The following TPGS2 variants were observed in gnomAD, a reference collection of about 807,000 sequenced individuals.
TPGS2 encodes the protein tubulin polyglutamylase complex subunit 2.
TPGS2 carries 26 observed loss-of-function variants against 31.1 expected under a neutral mutation model. The observed-to-expected ratio is 0.84, with a 90% confidence interval of 0.61 to 1.16. TPGS2 has a LOEUF of 1.16. Among genes scored for constraint, TPGS2 ranks in the 50% most tolerant of loss-of-function variants. TPGS2 has a pLI of 0.00. For synonymous variants in TPGS2, 130 were observed against 136.6 expected, an observed-to-expected ratio of 0.95 and a Z score of 0.34; for missense variants, 351 against 363.8, an observed-to-expected ratio of 0.96 and a Z score of 0.29.
chr18:36,807,613 C>T, intron 3 of TPGS2: 2 of 549,548 alleles, frequency 3.6e-6, no homozygotes, highest in Admixed American at 3.4e-5. Flanking sequence ...TACAGGAATC[C>T]TCTAAATTGA....
rs560494846 is a variant in TPGS2 at position 36,797,129 on chromosome 18, G to A, written c.658-79C>T. The A allele has an allele frequency of 1.8e-5, 29 of 1,570,594 alleles. No homozygotes were observed. In the South Asian group the frequency reaches 3.3e-4, roughly 18 times the overall value. ...TGTGTGCTCTTTTTGTGGGATGCAG[G>A]AGAGTTGGGAACAGGAGGCAGAGGT... On this transcript the variant is annotated intron_variant, in intron 6 of 6. Transcript: ENST00000334295.
At chr18:36,812,003 A>T (rs1229178649) in intron 2 of TPGS2, among the ~76,000 whole-genome samples, 4 of 152,176 alleles carry the variant, frequency 2.6e-5, no homozygotes, top group African/African-American at 4.8e-5. Context: ...TAAAATGTAA[A>T]CACAAGTCCA....
Position 36,794,314 on chromosome 18 carries a change from C to G in TPGS2, c.*2491G>C, listed in dbSNP as rs560084411. 21 of 985,454 alleles carry G rather than the reference C, an allele frequency of 2.1e-5. No homozygotes were observed. The Admixed American group carries it at 2.5e-4, about 12-fold the overall frequency. 61.0% of individuals were successfully genotyped at this position (985,454 alleles called of 1,614,324 possible). ...TGCACTGAGTGGAGTCAGTCCTGCT[C>G]TTCCCTGCTCACTCCTTCTGAGGCA... On this transcript the variant is annotated 3_prime_UTR_variant, in exon 7 of 7. Transcript: ENST00000334295.
At chr18:36,799,776 A>G (rs948291164) in intron 5 of TPGS2, among the ~76,000 whole-genome samples, 1 of 152,110 alleles carries the variant, frequency 6.6e-6, no homozygotes, top group African/African-American at 2.4e-5. Context: ...TTGAGGGCAG[A>G]GAGGCTTTTA....
At chr18:36,819,485 C>A (rs1023217939) in intron 1 of TPGS2, among the ~76,000 whole-genome samples, 3 of 152,168 alleles carry the variant, frequency 2.0e-5, no homozygotes, top group Admixed American at 6.5e-5. Flanking sequence ...CAAAAATATA[C>A]TAAGAAAAAA....
At position 36,828,852 on chromosome 18, in the gene TPGS2, C is replaced by A; in HGVS notation, c.-85G>T. On this transcript the variant is annotated 5_prime_UTR_variant, in exon 1 of 7. Coordinates refer to ENST00000334295, the MANE Select transcript of TPGS2 (RefSeq NM_015476.4). ...CGCCGAGGCCAATTTCATGGCATGC[C>A]GGGAACGGTAGTTCTCGGCGCCTGA... 1 of 1,519,364 alleles carries A rather than the reference C, an allele frequency of 6.6e-7. No homozygotes were observed. The highest frequency in any genetic ancestry group is 9.0e-7 in the Non-Finnish European group (1 of 1,112,198). The allele number at this position is 1,519,364 out of a possible 1,614,324, so 94.1% of individuals were successfully genotyped here. A position where few individuals can be genotyped will look rare whatever the true frequency, so the allele number is the denominator to read the frequency against.
downstream of TPGS2, chr18:36,782,021 T>A: frequency 1.2e-6 from 1 of 838,794 alleles, no homozygotes; most frequent in Non-Finnish European, 1.4e-6. Flanking sequence ...TTTGTGAGAG[T>A]GTTCGCCTAT....
At chr18:36,801,375 G>A (rs184422105) in intron 4 of TPGS2, among the ~76,000 whole-genome samples, 297 of 152,128 alleles carry the variant, frequency 2.0e-3, no homozygotes, top group Non-Finnish European at 3.2e-3. Context: ...TCTATCACCT[G>A]GGCTGGAGTG....
intron 1 of TPGS2, among the ~76,000 whole-genome samples, chr18:36,825,276 C>A (rs1190878990): frequency 5.9e-5 from 9 of 151,646 alleles, no homozygotes; most frequent in African/African-American, 2.2e-4. Context: ...ACTAAAAATA[C>A]AAAAAATTAG....
At chr18:36,822,646 G>A (rs1160442886) in intron 1 of TPGS2, among the ~76,000 whole-genome samples, 1 of 152,210 alleles carries the variant, frequency 6.6e-6, no homozygotes, top group Non-Finnish European at 1.5e-5. Context: ...CCAGGCTGGA[G>A]TGCAGTGGTG....
intron 6 of TPGS2, 73 bp from the exon 7 acceptor site, chr18:36,797,123 A>C: frequency 6.4e-7 from 1 of 1,572,946 alleles, no homozygotes; most frequent in South Asian, 1.2e-5. Flanking sequence ...TTTTTGTGGG[A>C]TGCAGGAGAG....
In TPGS2 at chr18:36,796,667, A is replaced by C; in HGVS notation, c.*138T>G. ...TACGAGCCTGGCTAATGTCGGTGGG[A>C]CTAAAAGCCTTACAATTTTGGTCAT... On this transcript the variant is annotated 3_prime_UTR_variant, in exon 7 of 7. Transcript: ENST00000334295. 1 of 1,439,168 alleles carries C rather than the reference A, an allele frequency of 6.9e-7. No homozygotes were observed. The highest frequency in any genetic ancestry group is 1.7e-5 in the South Asian group (1 of 58,416). 89.1% of individuals were successfully genotyped at this position (1,439,168 alleles called of 1,614,324 possible). A position where few individuals can be genotyped will look rare whatever the true frequency, so the allele number is the denominator to read the frequency against.
chr18:36,781,516 G>A (rs1352518283), downstream of TPGS2, among the ~76,000 whole-genome samples: 1 of 152,108 alleles, frequency 6.6e-6, no homozygotes, highest in Non-Finnish European at 1.5e-5. Context: ...GCTGGGTGTG[G>A]TGGCACATCC....
Position 36,796,294 on chromosome 18 carries a change from T to C in TPGS2, c.*511A>G, listed in dbSNP as rs375807393. On this transcript the variant is annotated 3_prime_UTR_variant, in exon 7 of 7. Coordinates refer to ENST00000334295, the MANE Select transcript of TPGS2 (RefSeq NM_015476.4). ...TGTCCAACAGAACTTTCTGTGGTGA[T>C]GGAAATGTTCCATATCTTTGTGCTA... The C allele has an allele frequency of 2.9e-5, 29 of 983,302 alleles. No homozygotes were observed. In the East Asian group the frequency reaches 2.8e-3, roughly 96 times the overall value. The allele number at this position is 983,302 out of a possible 1,614,324, so 60.9% of individuals were successfully genotyped here. A position where few individuals can be genotyped will look rare whatever the true frequency, so the allele number is the denominator to read the frequency against.
intron 2 of TPGS2, among the ~76,000 whole-genome samples, 180 bp from the exon 3 acceptor site, chr18:36,808,114 T>G (rs1031843214): frequency 6.6e-6 from 1 of 152,110 alleles, no homozygotes; most frequent in Non-Finnish European, 1.5e-5. Context: ...AGTTCCAGTT[T>G]GCCTTTTTTT....
intron 6 of TPGS2, chr18:36,786,993 A>G: frequency 4.1e-6 from 5 of 1,234,366 alleles, no homozygotes; most frequent in Non-Finnish European, 5.1e-6. Flanking sequence ...CTGCAGAGAC[A>G]CAGCTCCTCA....
intron 6 of TPGS2, among the ~76,000 whole-genome samples, chr18:36,783,534 G>A (rs2044063996): frequency 6.6e-6 from 1 of 152,224 alleles, no homozygotes; most frequent in Non-Finnish European, 1.5e-5. Context: ...ATGATCTGGG[G>A]ATGGAGTGGG....
At chr18:36,785,281 G>T (rs751062353) in intron 6 of TPGS2, among the ~76,000 whole-genome samples, 3 of 152,078 alleles carry the variant, frequency 2.0e-5, no homozygotes, top group African/African-American at 7.2e-5. Flanking sequence ...CCTGGGTAAC[G>T]AGTGAAACTC....
chr18:36,819,759 T>G (rs2045815642), intron 1 of TPGS2, among the ~76,000 whole-genome samples: 1 of 152,108 alleles, frequency 6.6e-6, no homozygotes, highest in African/African-American at 2.4e-5. Flanking sequence ...CCCACAAAAA[T>G]AGATATTGAA....
Sources: allele counts gnomAD v4.1 joint callset (sites outside exome capture counted in the v4.1 genomes callset), GRCh38; gene constraint gnomAD v4.1.1; transcripts MANE v1.5; gene names NCBI Gene and HGNC (gene_info 2026-07-23, HGNC 2026-07-21).